ZNF846: variants seen among roughly 807,000 people sequenced by gnomAD.
The protein encoded by ZNF846 is zinc finger protein 420 pseudogene.
ZNF846 carries 15 observed loss-of-function variants against 16.0 expected under a neutral mutation model. The ratio of observed to expected loss-of-function variants is 0.94; its 90% confidence interval spans 0.63 to 1.45. The LOEUF is 1.45. ZNF846 is among the 40% of genes most tolerant of loss of function. ZNF846 has a pLI of 0.00. For missense variants in ZNF846, 714 were observed against 622.3 expected (o/e 1.15, Z -1.57); for synonymous variants, 229 against 212.0 (o/e 1.08, Z -0.70).
At chr19:9,762,112 G>A (rs202184095) in exon 4 of ZNF846, 1 of 1,613,980 alleles carries the variant, frequency 6.2e-7, no homozygotes, top group Non-Finnish European at 8.5e-7. Context: ...CCTGTCCTCA[G>A]CTCTTCCATT....
In ZNF846 at chr19:9,759,993, C is replaced by A; in HGVS notation, c.230-51G>T. On this transcript the variant is annotated intron_variant, in intron 4 of 5. Transcript: ENST00000397902. ...TGGGAGAAAAATTGTGGAATAAAGT[C>A]GTTTAAAAGCCTATGGGGCTGGGCG... 4 of 1,455,304 alleles carry A rather than the reference C, an allele frequency of 2.7e-6. No homozygotes were observed. The South Asian group carries it at 3.5e-5, about 13-fold the overall frequency. 90.1% of individuals were successfully genotyped at this position (1,455,304 alleles called of 1,614,324 possible). A position where few individuals can be genotyped will look rare whatever the true frequency, so the allele number is the denominator to read the frequency against.
chr19:9,782,172 A>G (rs1012211154), intron 1 of ZNF846, among the ~76,000 whole-genome samples: 1 of 152,200 alleles, frequency 6.6e-6, no homozygotes, highest in Non-Finnish European at 1.5e-5. Flanking sequence ...GCTGAAAAAT[A>G]GCTGCCCCAC....
At chr19:9,774,384 C>T (rs989112632) in intron 1 of ZNF846, 17 of 531,554 alleles carry the variant, frequency 3.2e-5, no homozygotes, top group African/African-American at 5.8e-5. Flanking sequence ...AGGAGAATGG[C>T]GTGAACCCGG....
chr19:9,765,901 C>T (rs2045307452), intron 1 of ZNF846, among the ~76,000 whole-genome samples: 1 of 149,340 alleles, frequency 6.7e-6, no homozygotes, highest in Admixed American at 7.0e-5. Context: ...GACCAAGTCT[C>T]TTTATTAAAT....
chr19:9,772,802 G>GT, upstream of ZNF846, among the ~76,000 whole-genome samples: 1 of 152,318 alleles, frequency 6.6e-6, no homozygotes, highest in Middle Eastern at 3.4e-3. Context: ...TCCAGGTGCA[G>GT]TGCCTTATGC....
downstream of ZNF846, among the ~76,000 whole-genome samples, chr19:9,749,740 G>A (rs74890562): frequency 0.12 from 18,444 of 151,582 alleles, 1,382 homozygotes; most frequent in Admixed American, 0.24. Flanking sequence ...TTATGCAGCC[G>A]TCCCCGCTCT....
At chr19:9,766,982 G>A (rs1381088428) in intron 1 of ZNF846, among the ~76,000 whole-genome samples, 1 of 149,158 alleles carries the variant, frequency 6.7e-6, no homozygotes, top group Non-Finnish European at 1.5e-5. Flanking sequence ...CTTTAGTTAT[G>A]CTTTTATTTA....
chr19:9,748,693 C>T (rs1191265384), downstream of ZNF846, among the ~76,000 whole-genome samples: 1 of 152,124 alleles, frequency 6.6e-6, no homozygotes, highest in Admixed American at 6.5e-5. Flanking sequence ...CCTCACCAAG[C>T]TCAGCCTTCA....
At chr19:9,770,144 A>G (rs1202682945), upstream of ZNF846, among the ~76,000 whole-genome samples, 1 of 152,078 alleles carries the variant, frequency 6.6e-6, no homozygotes, top group Non-Finnish European at 1.5e-5. Flanking sequence ...GTATATTCAT[A>G]TATTTGTGCA....
chr19:9,774,813 A>G, intron 1 of ZNF846: 1 of 1,604,050 alleles, frequency 6.2e-7, no homozygotes, highest in Non-Finnish European at 8.5e-7. Context: ...CAAGTAATCC[A>G]GTCCCTCATA....
chr19:9,770,480 C>CTTTTTTTTTTT (rs565850988), upstream of ZNF846, among the ~76,000 whole-genome samples: 3 of 130,134 alleles, frequency 2.3e-5, no homozygotes, highest in African/African-American at 2.8e-5. Flanking sequence ...TGGGTTTTCT[C>CTTTTTTTTTTT]TTTTTTTTTT....
exon 6 of ZNF846, chr19:9,758,396 T>C (rs2045168376): frequency 6.2e-7 from 1 of 1,613,152 alleles, no homozygotes; most frequent in African/African-American, 1.3e-5. Flanking sequence ...ATTCCTTACA[T>C]ACATAGTGTT....
chr19:9,782,291 G>T (rs941965157), intron 1 of ZNF846, among the ~76,000 whole-genome samples: 4 of 151,962 alleles, frequency 2.6e-5, no homozygotes, highest in Non-Finnish European at 5.9e-5. Context: ...TATTAGACAG[G>T]GTCTCAATCT....
chr19:9,754,563 T>TCAAAAAAAAAAAAAAAAAAAAA (rs776769152), downstream of ZNF846, among the ~76,000 whole-genome samples: 29 of 83,764 alleles, frequency 3.5e-4, 1 homozygote, highest in African/African-American at 1.7e-3. Context: ...AGACTCTGTC[T>TCAAAAAAAAAAAAAAAAAAAAA]TAAAAAAAAA....
intron 1 of ZNF846, chr19:9,774,840 C>T (rs1356130133): frequency 6.2e-6 from 10 of 1,609,250 alleles, no homozygotes; most frequent in Non-Finnish European, 8.5e-6. Flanking sequence ...GTGAATGACC[C>T]CCAGCCCGAG....
intron 1 of ZNF846, among the ~76,000 whole-genome samples, chr19:9,777,668 C>CAAAAAAAA (rs57809806): frequency 7.0e-4 from 101 of 143,780 alleles, no homozygotes; most frequent in African/African-American, 2.3e-3. Flanking sequence ...AGACTCTGTC[C>CAAAAAAAA]AAAAAAAAAA....
downstream of ZNF846, among the ~76,000 whole-genome samples, chr19:9,755,253 A>T (rs2045121882): frequency 6.6e-6 from 1 of 151,594 alleles, no homozygotes; most frequent in Non-Finnish European, 1.5e-5. Context: ...TATAGAAAAA[A>T]TTCTACTAGG....
At position 9,763,472 on chromosome 19, in the gene ZNF846, T is replaced by C. The variant is rs376233986; in HGVS notation, c.16-64A>G. 4 of 1,489,510 alleles carry C rather than the reference T, an allele frequency of 2.7e-6. No individual in the cohort carries two copies. In the South Asian group the frequency reaches 5.5e-5, roughly 20 times the overall value. 92.3% of individuals were successfully genotyped at this position (1,489,510 alleles called of 1,614,324 possible). On this transcript the variant is annotated intron_variant, in intron 2 of 5. Coordinates refer to ENST00000397902, the Ensembl canonical transcript of ZNF846. ...ATCTCCTTTGATGTTCTGAGAAAAA[T>C]GCATGAAGGACTAAGGAAGACTAGA...
downstream of ZNF846, chr19:9,756,459 C>G (rs1044604660): frequency 6.8e-6 from 1 of 147,922 alleles, no homozygotes; most frequent in South Asian, 2.1e-4. Flanking sequence ...ACACATGAGA[C>G]AGAAGTAAAG....
Sources: gnomAD v4.1 joint callset for allele counts (sites outside exome capture counted in the v4.1 genomes callset) on GRCh38, gnomAD v4.1.1 for gene constraint, MANE v1.5 for transcripts, NCBI Gene and HGNC (gene_info 2026-07-23, HGNC 2026-07-21) for gene names.